DAB1: variants seen among roughly 807,000 people sequenced by gnomAD.
DAB1 encodes DAB adaptor protein 1.
Under a neutral mutation model 64.6 loss-of-function variants are expected in DAB1, and 15 were observed. That is an observed-to-expected ratio of 0.23 (90% CI 0.16 to 0.36). The LOEUF is 0.36. DAB1 is among the 10% of genes least tolerant of loss of function. The pLI, the probability that DAB1 is intolerant of heterozygous loss-of-function variation, is 1.00. For missense variants in DAB1, 596 were observed against 706.7 expected, an observed-to-expected ratio of 0.84 and a Z score of 1.78; for synonymous variants, 235 against 251.9, an observed-to-expected ratio of 0.93 and a Z score of 0.64.
intron 4 of DAB1, among the ~76,000 whole-genome samples, chr1:57,087,514 G>T (rs569825789): frequency 6.6e-6 from 1 of 152,212 alleles, no homozygotes; most frequent in Non-Finnish European, 1.5e-5. Context: ...GGTTCTAGAC[G>T]TGGGTGTTGA....
At chr1:57,035,641 C>A (rs1384823661) in intron 9 of DAB1, among the ~76,000 whole-genome samples, 1 of 152,080 alleles carries the variant, frequency 6.6e-6, no homozygotes, top group African/African-American at 2.4e-5. Flanking sequence ...TAACCCTTGA[C>A]AAGTCAATTA....
At chr1:58,075,977 C>T (rs1285122736) in intron 5 of DAB1, among the ~76,000 whole-genome samples, 1 of 152,032 alleles carries the variant, frequency 6.6e-6, no homozygotes, top group South Asian at 2.1e-4. Flanking sequence ...ACACAATACT[C>T]GGCTTCATTT....
At chr1:57,759,940 T>G (rs745830754) in intron 6 of DAB1, among the ~76,000 whole-genome samples, 76 of 152,238 alleles carry the variant, frequency 5.0e-4, no homozygotes, top group Non-Finnish European at 9.7e-4. Flanking sequence ...CATTGGAACG[T>G]ATACAGGGAC....
At chr1:58,061,789 C>T (rs1208293347) in intron 5 of DAB1, among the ~76,000 whole-genome samples, 1 of 152,082 alleles carries the variant, frequency 6.6e-6, no homozygotes, top group East Asian at 1.9e-4. Context: ...GTTTATTGCA[C>T]CCCATAGGGT....
At chr1:58,258,691 C>G (rs1471413635) in intron 4 of DAB1, among the ~76,000 whole-genome samples, 1 of 152,094 alleles carries the variant, frequency 6.6e-6, no homozygotes, top group East Asian at 1.9e-4. Context: ...GATAAGGAAC[C>G]CAGACCTCAA....
At chr1:58,506,663 A>T (rs1645995064) in intron 2 of DAB1, among the ~76,000 whole-genome samples, 2 of 152,210 alleles carry the variant, frequency 1.3e-5, no homozygotes, top group South Asian at 4.1e-4. Context: ...CTTTTACACA[A>T]ATTAAAAATT....
chr1:57,609,755 T>A (rs780746904), intron 7 of DAB1, among the ~76,000 whole-genome samples: 1 of 152,236 alleles, frequency 6.6e-6, no homozygotes, highest in Non-Finnish European at 1.5e-5. Flanking sequence ...TGCTAAAGTT[T>A]CAGCATTATG....
intron 7 of DAB1, among the ~76,000 whole-genome samples, chr1:57,484,195 G>T (rs1644060986): frequency 6.6e-6 from 1 of 152,162 alleles, no homozygotes; most frequent in Non-Finnish European, 1.5e-5. Context: ...GGAGAGACAG[G>T]GCTATGGAAA....
chr1:58,487,789 C>T (rs1274783903), intron 3 of DAB1, among the ~76,000 whole-genome samples: 1 of 152,104 alleles, frequency 6.6e-6, no homozygotes, highest in Non-Finnish European at 1.5e-5. Flanking sequence ...TTCCCCTCCC[C>T]CCTCAACACA....
At chr1:58,254,434 G>T in intron 4 of DAB1, among the ~76,000 whole-genome samples, 2 of 138,892 alleles carry the variant, frequency 1.4e-5, no homozygotes, top group South Asian at 2.5e-4. Flanking sequence ...GGGTACATGT[G>T]CACATTGTGC....
chr1:57,857,983 G>A (rs1295487171), intron 1 of DAB1, among the ~76,000 whole-genome samples: 2 of 150,124 alleles, frequency 1.3e-5, no homozygotes, highest in African/African-American at 2.4e-5. Context: ...GAGAGGGGAA[G>A]TGACTCACTC....
chr1:57,567,634 C>T (rs1035750536), intron 7 of DAB1, among the ~76,000 whole-genome samples: 2 of 152,136 alleles, frequency 1.3e-5, no homozygotes, highest in African/African-American at 2.4e-5. Context: ...ACACCAATAA[C>T]AGACAAACAG....
intron 7 of DAB1, among the ~76,000 whole-genome samples, chr1:57,640,930 G>T (rs1646120305): frequency 6.6e-6 from 1 of 152,148 alleles, no homozygotes; most frequent in Admixed American, 6.5e-5. Context: ...TGGCTTAAAT[G>T]AAGGCTGCTG....
chr1:57,499,000 G>A (rs2101307386), intron 7 of DAB1, among the ~76,000 whole-genome samples: 1 of 152,278 alleles, frequency 6.6e-6, no homozygotes, highest in Admixed American at 6.5e-5. Flanking sequence ...GTTTTGAGAT[G>A]GAGTCTTGCT....
chr1:58,454,888 C>T (rs552980194), intron 3 of DAB1, among the ~76,000 whole-genome samples: 17 of 152,358 alleles, frequency 1.1e-4, no homozygotes, highest in Non-Finnish European at 2.4e-4. Context: ...AAATCCCTCG[C>T]TTATCCTACC....
intron 7 of DAB1, among the ~76,000 whole-genome samples, chr1:57,443,794 T>C (rs75458754): frequency 0.039 from 5,913 of 152,296 alleles, 182 homozygotes; most frequent in Non-Finnish European, 0.058. Flanking sequence ...TCTTCTGCCA[T>C]GAACCTGGAC....
exon 1 of DAB1, chr1:57,884,026 T>C (rs141978330): frequency 6.6e-6 from 1 of 152,336 alleles, no homozygotes; most frequent in Non-Finnish European, 1.5e-5. Context: ...GTTCAGTCAA[T>C]GTGTCCAGGC....
chr1:57,821,796 CCTT>C (rs2101895945), downstream of DAB1, among the ~76,000 whole-genome samples: 1 of 152,036 alleles, frequency 6.6e-6, no homozygotes, highest in South Asian at 2.1e-4. Context: ...ATCATCGTCA[CCTT>C]CTTCCATTTT....
At chr1:58,150,029 C>A (rs1009423520) in intron 5 of DAB1, among the ~76,000 whole-genome samples, 97 of 152,320 alleles carry the variant, frequency 6.4e-4, no homozygotes, top group African/African-American at 2.3e-3. Flanking sequence ...CATTAGCTTC[C>A]ATTCATTGAA....
Sources: allele counts gnomAD v4.1 joint callset (sites outside exome capture counted in the v4.1 genomes callset), GRCh38; gene constraint gnomAD v4.1.1; transcripts MANE v1.5; gene names NCBI Gene and HGNC (gene_info 2026-07-23, HGNC 2026-07-21).